Variants in RAB22A observed in about 807,000 individuals in gnomAD.
RAB22A encodes the protein RAB22A, member RAS oncogene family, also known as ras-related protein Rab-22A.
In RAB22A, 13 loss-of-function variants were observed where a neutral mutation model predicts 30.2. That is an observed-to-expected ratio of 0.43 (90% CI 0.28 to 0.68). The LOEUF (loss-of-function observed/expected upper bound fraction) is 0.68, where lower values mean the gene tolerates loss of function less well. RAB22A is among the 30% of genes least tolerant of loss of function. The pLI, the probability that RAB22A is intolerant of heterozygous loss-of-function variation, is 0.18. For synonymous variants in RAB22A, 89 were observed against 87.2 expected (o/e 1.02, Z -0.11); for missense variants, 177 against 246.8 (o/e 0.72, Z 1.89).
Position 58,366,715 on chromosome 20 carries a change from C to T in RAB22A, c.*7012C>T, listed in dbSNP as rs1001864982. On this transcript the variant is annotated 3_prime_UTR_variant, in exon 7 of 7. Coordinates refer to ENST00000244040, the MANE Select transcript of RAB22A (RefSeq NM_020673.3). ...CGCTGCTTCAGAAAGAGAATAGCAG[C>T]GCTCGCTTACCGTGGGAACACGGCC... The T allele has an allele frequency of 1.3e-5, 2 of 152,268 alleles. No homozygotes were observed. Among genetic ancestry groups the T allele is most frequent in the Non-Finnish European group, 1.5e-5 (1 of 68,026 alleles). The allele number at this position is 152,268 out of a possible 1,614,324, so 9.4% of individuals were successfully genotyped here.
chr20:58,351,984 G>T (rs1220925019), intron 3 of RAB22A, among the ~76,000 whole-genome samples: 1 of 152,144 alleles, frequency 6.6e-6, no homozygotes, highest in African/African-American at 2.4e-5. Flanking sequence ...GCAAAAGGAT[G>T]TAGTATTCAA....
In RAB22A at chr20:58,353,412, C is replaced by G. The variant is rs1447293034; in HGVS notation, c.271-20C>G. On this transcript the variant is annotated intron_variant, in intron 4 of 6. Coordinates refer to ENST00000244040, the MANE Select transcript of RAB22A (RefSeq NM_020673.3). ...TTGGTTGCTTAGATCTCCAGTTGCT[C>G]TCTTTTTTGTGTGTTACAGGAGACA... The G allele has an allele frequency of 1.2e-6, 2 of 1,609,542 alleles. No individual in the cohort carries two copies. The highest frequency in any genetic ancestry group is 2.7e-5 in the African/African-American group (2 of 74,754).
intron 2 of RAB22A, among the ~76,000 whole-genome samples, chr20:58,328,413 G>A (rs1282503604): frequency 6.6e-6 from 1 of 151,980 alleles, no homozygotes; most frequent in Non-Finnish European, 1.5e-5. Context: ...CAAACTCCTG[G>A]ACTCAAGCAA....
chr20:58,360,682 G>A lies in RAB22A; in HGVS notation c.*979G>A, dbSNP rs374353062. 1 of 152,580 alleles carries A rather than the reference G, an allele frequency of 6.6e-6. No homozygotes were observed. Among genetic ancestry groups the A allele is most frequent in the East Asian group, 1.9e-4 (1 of 5,190 alleles). 9.5% of individuals were successfully genotyped at this position (152,580 alleles called of 1,614,324 possible). On this transcript the variant is annotated 3_prime_UTR_variant, in exon 7 of 7. Coordinates refer to ENST00000244040, the MANE Select transcript of RAB22A (RefSeq NM_020673.3). ...TTCATTTGACATTCCATTGAATCTC[G>A]CACCCAGTCTTGCGTATGCCTGCCC...
chr20:58,359,659 A>T lies in RAB22A; in HGVS notation c.541A>T (p.Lys181Ter). ...CCTGCCATCTGGCGGTAAGGGCTTCAAACTCCGAAGACAGCCTTCAGAGCC... is the reference window on the plus strand; with the variant it reads ...CCTGCCATCTGGCGGTAAGGGCTTCTAACTCCGAAGACAGCCTTCAGAGCC... ...ANLPSGGKGF[K>*]LRRQPSEPKR... is the part of the protein sequence containing the mutation. Residue 181 changes from lysine to a stop codon, truncating the protein, a stop_gained, in exon 7 of 7, where the codon AAA becomes TAA. Transcript: ENST00000244040. LOFTEE classifies it high-confidence loss of function. 6.2e-7 allele frequency: 1 copy of T among 1,613,346 alleles called. No homozygotes were observed. The highest frequency in any genetic ancestry group is 8.5e-7 in the Non-Finnish European group (1 of 1,179,370).
At chr20:58,324,786 G>C (rs1004927706) in intron 2 of RAB22A, among the ~76,000 whole-genome samples, 1 of 134,352 alleles carries the variant, frequency 7.4e-6, no homozygotes, top group Non-Finnish European at 1.6e-5. Flanking sequence ...AGAATCGCTT[G>C]AACCGGGGAG....
intron 6 of RAB22A, among the ~76,000 whole-genome samples, chr20:58,359,209 GT>G (rs1249861050): frequency 6.6e-6 from 1 of 152,142 alleles, no homozygotes; most frequent in Non-Finnish European, 1.5e-5. Context: ...AAAACAAAAT[GT>G]TTTTGATGTG....
chr20:58,316,371 C>T (rs941060587), intron 2 of RAB22A, among the ~76,000 whole-genome samples: 7 of 152,124 alleles, frequency 4.6e-5, no homozygotes, highest in South Asian at 2.1e-4. Flanking sequence ...CTGAGGTAGA[C>T]TCCTGCCCAT....
intron 2 of RAB22A, among the ~76,000 whole-genome samples, chr20:58,329,878 T>A (rs1986633762): frequency 6.6e-6 from 1 of 152,192 alleles, no homozygotes; most frequent in African/African-American, 2.4e-5. Context: ...TGTCTCCAAA[T>A]CTGTTGGCCC....
chr20:58,336,833 G>T (rs749254147), intron 2 of RAB22A, among the ~76,000 whole-genome samples: 5 of 152,156 alleles, frequency 3.3e-5, no homozygotes, highest in Admixed American at 2.0e-4. Context: ...CTTGTTACCA[G>T]CCTTCACCTG....
intron 2 of RAB22A, among the ~76,000 whole-genome samples, chr20:58,312,265 A>G (rs1986241738): frequency 1.4e-5 from 2 of 147,770 alleles, no homozygotes; most frequent in Admixed American, 6.8e-5. Flanking sequence ...TATGTGTTCA[A>G]TATTTTTTGT....
chr20:58,340,177 A>C (rs1214533846), intron 2 of RAB22A, among the ~76,000 whole-genome samples: 1 of 152,152 alleles, frequency 6.6e-6, no homozygotes, highest in Non-Finnish European at 1.5e-5. Flanking sequence ...CAGGAAAGAG[A>C]CACCCCCTCC....
chr20:58,323,614 C>CT (rs144081929), intron 2 of RAB22A, among the ~76,000 whole-genome samples: 137 of 143,070 alleles, frequency 9.6e-4, no homozygotes, highest in African/African-American at 2.7e-3. Context: ...CAAACGTGCC[C>CT]TTTTTTTTTT....
chr20:58,343,917 T>A, intron 3 of RAB22A, 118 bp downstream of exon 3: 1 of 823,802 alleles, frequency 1.2e-6, no homozygotes, highest in Non-Finnish European at 2.0e-6. Context: ...CGGAGACACA[T>A]TTATTTCCAT....
At chr20:58,327,331 C>T (rs1347955198) in intron 2 of RAB22A, among the ~76,000 whole-genome samples, 2 of 152,158 alleles carry the variant, frequency 1.3e-5, no homozygotes, top group Non-Finnish European at 2.9e-5. Flanking sequence ...ATCCAAGTGG[C>T]CTAGCTCATA....
intron 2 of RAB22A, among the ~76,000 whole-genome samples, chr20:58,313,991 G>T (rs543359926): frequency 1.3e-5 from 2 of 152,012 alleles, no homozygotes; most frequent in Admixed American, 1.3e-4. Flanking sequence ...TTCTGTCCTC[G>T]TAGACCTTAC....
chr20:58,314,894 G>T lies in RAB22A; in HGVS notation c.116+3772G>T, dbSNP rs1409318282. On this transcript the variant is annotated intron_variant, in intron 2 of 6. Coordinates refer to ENST00000244040, the MANE Select transcript of RAB22A (RefSeq NM_020673.3). ...TTGAAGAATGGAAGTGAAGTAGTTG[G>T]TGGTGGTGAGGGACGGTGGGTAGAA... Among the ~76,000 whole-genome samples the T allele has an allele frequency of 2.0e-5, 3 of 152,088 alleles. No homozygotes were observed. In the South Asian group the frequency reaches 6.2e-4, roughly 32 times the overall value.
intron 2 of RAB22A, among the ~76,000 whole-genome samples, chr20:58,314,780 G>A (rs1218018482): frequency 2.6e-5 from 4 of 152,076 alleles, no homozygotes; most frequent in Non-Finnish European, 5.9e-5. Flanking sequence ...GGCGGAGTTT[G>A]CAGTGAGCCG....
chr20:58,360,762 A>G lies in RAB22A; in HGVS notation c.*1059A>G, dbSNP rs988374158. 1 of 152,650 alleles carries G rather than the reference A, an allele frequency of 6.6e-6. No homozygotes were observed. The highest frequency in any genetic ancestry group is 2.4e-5 in the African/African-American group (1 of 41,462). 9.5% of individuals were successfully genotyped at this position (152,650 alleles called of 1,614,324 possible). On this transcript the variant is annotated 3_prime_UTR_variant, in exon 7 of 7. Coordinates refer to ENST00000244040, the MANE Select transcript of RAB22A (RefSeq NM_020673.3). ...GCACATTGGTATTGTATAAAGGTATAGAGCACTTAGCTTACAATCTTTAAA... is the reference window on the plus strand; with the variant it reads ...GCACATTGGTATTGTATAAAGGTATGGAGCACTTAGCTTACAATCTTTAAA...
Sources: gnomAD v4.1 joint callset for allele counts (sites outside exome capture counted in the v4.1 genomes callset) on GRCh38, gnomAD v4.1.1 for gene constraint, MANE v1.5 for transcripts, NCBI Gene and HGNC (gene_info 2026-07-23, HGNC 2026-07-21) for gene names.